Variants in STIMATE observed in about 807,000 individuals in gnomAD.
STIMATE encodes the protein store-operated calcium entry regulator STIMATE.
STIMATE carries 15 observed loss-of-function variants against 36.7 expected under a neutral mutation model. The ratio of observed to expected loss-of-function variants is 0.41; its 90% CI spans 0.27 to 0.63. The LOEUF is 0.63. Ranked by LOEUF, STIMATE falls within the 20% of genes least tolerant of loss-of-function variation. The pLI is 0.32. For missense variants in STIMATE, 305 were observed against 397.3 expected, an observed-to-expected ratio of 0.77 and a Z score of 1.98; for synonymous variants, 163 against 162.3, an observed-to-expected ratio of 1.00 and a Z score of -0.03.
At chr3:52,855,290 T>C in intron 2 of STIMATE, 106 bp downstream of exon 2, 1 of 1,359,042 alleles carries the variant, frequency 7.4e-7, no homozygotes, top group Non-Finnish European at 1.0e-6. Context: ...GTATCATTTC[T>C]CACATTCCAT....
intron 1 of STIMATE, among the ~76,000 whole-genome samples, chr3:52,896,111 C>G (rs1196363096): frequency 6.6e-6 from 1 of 152,194 alleles, no homozygotes; most frequent in Non-Finnish European, 1.5e-5. Flanking sequence ...ATCAGAGCCT[C>G]TTCAGGGTTA....
At chr3:52,841,478 C>G (rs1182025106) in intron 7 of STIMATE, among the ~76,000 whole-genome samples, 2 of 152,252 alleles carry the variant, frequency 1.3e-5, no homozygotes, top group Non-Finnish European at 2.9e-5. Context: ...CGCTGCCCGC[C>G]TGCCTGGCTC....
intron 1 of STIMATE, among the ~76,000 whole-genome samples, chr3:52,885,349 G>A (rs1701672909): frequency 6.6e-6 from 1 of 152,102 alleles, no homozygotes; most frequent in African/African-American, 2.4e-5. Context: ...TTTTCTCCCA[G>A]TCTGTGACCT....
intron 4 of STIMATE, chr3:52,847,694 A>G: frequency 1.7e-5 from 9 of 536,142 alleles, no homozygotes; most frequent in South Asian, 1.4e-4. Context: ...AGTTGCCTAC[A>G]TCCAAATCCC....
At chr3:52,851,886 C>T (rs1701006237) in intron 3 of STIMATE, among the ~76,000 whole-genome samples, 1 of 152,190 alleles carries the variant, frequency 6.6e-6, no homozygotes, top group African/African-American at 2.4e-5. Context: ...CTCCATGACT[C>T]CTGAGCGGTG....
chr3:52,864,689 C>T (rs548972602), intron 1 of STIMATE, among the ~76,000 whole-genome samples: 1 of 152,190 alleles, frequency 6.6e-6, no homozygotes, highest in Non-Finnish European at 1.5e-5. Flanking sequence ...TTTAACAGCA[C>T]CCAAGTCACC....
chr3:52,840,422 C>T lies in STIMATE; in HGVS notation c.*72G>A, dbSNP rs1031604277. On this transcript the variant is annotated 3_prime_UTR_variant, in exon 8 of 8. Transcript: ENST00000355083. Reference sequence around the variant, plus strand: ...GGAAGGGCAGAGAGAGGGTAAGGAACGATGCTGCGGGATGACCTCTGCACA... The same window carrying T: ...GGAAGGGCAGAGAGAGGGTAAGGAATGATGCTGCGGGATGACCTCTGCACA... The T allele has an allele frequency of 1.2e-5, 18 of 1,515,652 alleles. No homozygotes were observed. In the Admixed American group the frequency reaches 1.7e-4, roughly 15 times the overall value. 93.9% of individuals were successfully genotyped at this position (1,515,652 alleles called of 1,614,324 possible). A position where few individuals can be genotyped will look rare whatever the true frequency, so the allele number is the denominator to read the frequency against.
intron 1 of STIMATE, among the ~76,000 whole-genome samples, chr3:52,892,980 C>A (rs1485394690): frequency 6.6e-6 from 1 of 151,076 alleles, no homozygotes; most frequent in Non-Finnish European, 1.5e-5. Context: ...AACACCCAGA[C>A]AACTCCAGAA....
Position 52,878,237 on chromosome 3 carries a change from G to A in STIMATE, c.160+19054C>T, listed in dbSNP as rs536347194. On this transcript the variant is annotated intron_variant, in intron 1 of 7. Transcript: ENST00000355083. ...ATGAGAGGCAAGGGACCAAATTTAC[G>A]CAGTCTGATGCTAGACACCACGCAT... Among the ~76,000 whole-genome samples the A allele has an allele frequency of 4.4e-4, 66 of 151,524 alleles. 1 individual carries two copies. The South Asian group carries it at 0.013, about 30-fold the overall frequency.
At chr3:52,859,162 C>CAA (rs201031735) in intron 1 of STIMATE, among the ~76,000 whole-genome samples, 6 of 83,160 alleles carry the variant, frequency 7.2e-5, no homozygotes, top group East Asian at 4.0e-4. Flanking sequence ...GACTCCATCT[C>CAA]AAAAAAAATA....
At chr3:52,854,701 C>T (rs1701064387) in intron 2 of STIMATE, among the ~76,000 whole-genome samples, 1 of 152,186 alleles carries the variant, frequency 6.6e-6, no homozygotes, top group South Asian at 2.1e-4. Flanking sequence ...GACTTTATAG[C>T]AAAGTTGGAC....
intron 3 of STIMATE, among the ~76,000 whole-genome samples, chr3:52,850,680 A>G (rs1700982625): frequency 6.6e-6 from 1 of 152,222 alleles, no homozygotes; most frequent in Non-Finnish European, 1.5e-5. Context: ...ACAGGGCAAC[A>G]TGGCCTTCGC....
intron 1 of STIMATE, among the ~76,000 whole-genome samples, chr3:52,875,630 T>A (rs890691321): frequency 6.6e-6 from 1 of 152,182 alleles, no homozygotes; most frequent in African/African-American, 2.4e-5. Flanking sequence ...ACTCTTTGAA[T>A]CTGGAAGGAA....
chr3:52,884,931 G>A (rs960250911), intron 1 of STIMATE, among the ~76,000 whole-genome samples: 6 of 152,264 alleles, frequency 3.9e-5, no homozygotes, highest in East Asian at 1.9e-4. Flanking sequence ...GGTAAATCTC[G>A]AGGGGTGAAA....
rs1354615810 is a variant in STIMATE, at chr3:52,897,399, A to G, written c.52T>C (p.Ser18Pro). Residue 18 changes from serine to proline, a missense_variant, in exon 1 of 8, where the codon TCC (serine) becomes CCC (proline). This residue lies in a region of STIMATE where 57 missense variants were observed against 57.1 expected (regional missense o/e 1.00). Transcript: ENST00000355083. The part of the protein sequence containing the change: ...ASRGLPGGPP[S>P]TVASGAGRCE... ...CGGCCCGCCCCGGACGCGACTGTGG[A>G]GGGCGGCCCGCCTGGCAGTCCCCGG... 1 of 1,488,306 alleles carries G rather than the reference A, an allele frequency of 6.7e-7. No individual in the cohort carries two copies. The highest frequency in any genetic ancestry group is 8.9e-7 in the Non-Finnish European group (1 of 1,126,178). The allele number at this position is 1,488,306 out of a possible 1,614,324, so 92.2% of individuals were successfully genotyped here.
In STIMATE at chr3:52,849,848, G is replaced by C; in HGVS notation, c.371C>G (p.Ala124Gly). The change falls in exon 4 of 8, where the codon GCC becomes GGC. Residue 124 changes from alanine (A) to glycine (G), a missense_variant. Around this residue, in one of 3 missense-constraint regions of STIMATE, gnomAD observed 164 missense variants for 257.9 expected, o/e 0.64. Transcript: ENST00000355083. ...CTGCCACTCTACCAGGACGCTGACG[G>C]CGCGCACCCCCACGTAGATGAGCAG... ...GMLLIYVGVR[A>G]VSVLVEWQQW... 6.2e-7 allele frequency: 1 copy of C among 1,613,858 alleles called. No individual in the cohort carries two copies. Among genetic ancestry groups the C allele is most frequent in the Non-Finnish European group, 8.5e-7 (1 of 1,180,022 alleles).
Position 52,895,988 on chromosome 3 carries a change from G to C in STIMATE, c.160+1303C>G, listed in dbSNP as rs957303567. 4.7e-6 allele frequency: 6 copies of C among 1,279,328 alleles called. No individual in the cohort carries two copies. In the African/African-American group the frequency reaches 7.6e-5, roughly 16 times the overall value. 79.2% of individuals were successfully genotyped at this position (1,279,328 alleles called of 1,614,324 possible). A position where few individuals can be genotyped will look rare whatever the true frequency, so the allele number is the denominator to read the frequency against. ...AACAAGTGGGTATTTGTTTAGCAGA[G>C]AAAAAGCAAGGCAAGTTGGGACTAA... On this transcript the variant is annotated intron_variant, in intron 1 of 7. Transcript: ENST00000355083.
chr3:52,881,602 T>C (rs1273034532), intron 1 of STIMATE, among the ~76,000 whole-genome samples: 1 of 152,136 alleles, frequency 6.6e-6, no homozygotes, highest in Non-Finnish European at 1.5e-5. Context: ...CTTGGGAGGC[T>C]GAGGCAGGAG....
rs1023701979 is a variant in STIMATE, at chr3:52,838,863, A to C, written c.*1631T>G. On this transcript the variant is annotated 3_prime_UTR_variant, in exon 8 of 8. Transcript: ENST00000355083. ...ACGTGCTCATGCAGGTCTAAAAGGA[A>C]GGTCCTAAGTGGAGTGGCCTCCTCT... is the stretch of plus-strand genomic sequence containing the variant. The C allele has an allele frequency of 6.6e-6, 1 of 152,278 alleles. No individual in the cohort carries two copies. The highest frequency in any genetic ancestry group is 1.5e-5 in the Non-Finnish European group (1 of 68,052). 9.4% of individuals were successfully genotyped at this position (152,278 alleles called of 1,614,324 possible).
Sources: allele counts gnomAD v4.1 joint callset (sites outside exome capture counted in the v4.1 genomes callset), GRCh38; gene constraint gnomAD v4.1.1; regional missense constraint gnomAD v4.1.1; transcripts MANE v1.5; gene names NCBI Gene and HGNC (gene_info 2026-07-23, HGNC 2026-07-21).